Variants in DACH1 observed in about 807,000 individuals in gnomAD.
DACH1 encodes dachshund homolog 1.
In DACH1, 12 loss-of-function variants were observed where a neutral mutation model predicts 54.2. The observed-to-expected ratio is 0.22, with a 90% CI of 0.14 to 0.36. The LOEUF is 0.36. Ranked by LOEUF, DACH1 falls within the 10% of genes least tolerant of loss-of-function variation. The probability of loss-of-function intolerance (pLI) is 1.00; values close to 1 mark genes in which losing one functional copy is unlikely to be tolerated. For missense variants in DACH1, 805 were observed against 929.8 expected (o/e 0.87, Z 1.75); for synonymous variants, 386 against 366.2 (o/e 1.05, Z -0.62).
At chr13:71,666,109 C>A (rs1435770713) in intron 2 of DACH1, among the ~76,000 whole-genome samples, 1 of 151,988 alleles carries the variant, frequency 6.6e-6, no homozygotes, top group Non-Finnish European at 1.5e-5. Context: ...CCAGAAACTA[C>A]GCTAGCAATA....
intron 6 of DACH1, among the ~76,000 whole-genome samples, chr13:71,515,767 G>C (rs2138268152): frequency 6.6e-6 from 1 of 152,034 alleles, no homozygotes; most frequent in South Asian, 2.1e-4. Flanking sequence ...AGTACCTTGT[G>C]AACCTTGTCA....
intron 1 of DACH1, among the ~76,000 whole-genome samples, chr13:71,845,207 T>G (rs1873148076): frequency 6.6e-6 from 1 of 152,144 alleles, no homozygotes; most frequent in Non-Finnish European, 1.5e-5. Flanking sequence ...TCATTATGTA[T>G]CCCATAAATA....
chr13:71,628,808 T>C (rs1209403691), intron 3 of DACH1, among the ~76,000 whole-genome samples: 3 of 152,134 alleles, frequency 2.0e-5, no homozygotes, highest in Non-Finnish European at 4.4e-5. Flanking sequence ...CCATGTTCTC[T>C]TTATCTTATG....
chr13:71,654,997 T>G (rs1878995263), intron 2 of DACH1, among the ~76,000 whole-genome samples: 3 of 152,332 alleles, frequency 2.0e-5, no homozygotes, highest in African/African-American at 7.2e-5. Context: ...TTAACTTTTT[T>G]GTGATGTGTA....
intron 3 of DACH1, among the ~76,000 whole-genome samples, chr13:71,596,432 G>C (rs1874103055): frequency 1.3e-5 from 2 of 152,146 alleles, no homozygotes; most frequent in Non-Finnish European, 2.9e-5. Context: ...GGGGATTTTG[G>C]AAACAAAGTA....
intron 3 of DACH1, among the ~76,000 whole-genome samples, chr13:71,623,837 T>A (rs1876435812): frequency 6.6e-6 from 1 of 151,850 alleles, no homozygotes; most frequent in Admixed American, 6.6e-5. Flanking sequence ...CTCCCCTACC[T>A]GAGTTTTTGG....
intron 1 of DACH1, among the ~76,000 whole-genome samples, chr13:71,710,798 C>T (rs1356437202): frequency 6.6e-6 from 1 of 152,064 alleles, no homozygotes; most frequent in African/African-American, 2.4e-5. Context: ...TTCAGTGGAA[C>T]ATCTGCAAAG....
At chr13:71,656,506 C>T (rs1243596767) in intron 2 of DACH1, among the ~76,000 whole-genome samples, 1 of 152,010 alleles carries the variant, frequency 6.6e-6, no homozygotes, top group Non-Finnish European at 1.5e-5. Context: ...TAAATTTTCT[C>T]TGTTTGATTT....
intron 1 of DACH1, among the ~76,000 whole-genome samples, chr13:71,775,720 T>TG (rs1438896603): frequency 2.0e-5 from 3 of 152,222 alleles, no homozygotes; most frequent in Non-Finnish European, 4.4e-5. Flanking sequence ...AATAACACAA[T>TG]GATAGGCAGT....
At chr13:71,542,641 G>T (rs1217498303) in intron 6 of DACH1, among the ~76,000 whole-genome samples, 1 of 152,006 alleles carries the variant, frequency 6.6e-6, no homozygotes, top group Non-Finnish European at 1.5e-5. Flanking sequence ...TTAAACCACT[G>T]CCATGATTTC....
At chr13:71,590,990 C>T (rs1381119229) in intron 3 of DACH1, among the ~76,000 whole-genome samples, 1 of 150,600 alleles carries the variant, frequency 6.6e-6, no homozygotes, top group Admixed American at 6.6e-5. Flanking sequence ...GCTATTCTCC[C>T]TCCTCTACCT....
Position 71,578,599 on chromosome 13 carries a change from C to T in DACH1, c.1127-5587G>A, listed in dbSNP as rs532770683. On this transcript the variant is annotated intron_variant, in intron 3 of 10. Coordinates refer to ENST00000613252, the MANE Select transcript of DACH1 (RefSeq NM_080759.6). ...TATTCTTTTGAATAACTATTTAATC[C>T]CAGTTGATCTACTTTAGGATATAAA... is the stretch of plus-strand genomic sequence containing the variant. Among the ~76,000 whole-genome samples, 3 of 151,990 alleles carry T rather than the reference C, an allele frequency of 2.0e-5. No homozygotes were observed. The South Asian group carries it at 6.2e-4, about 32-fold the overall frequency.
At position 71,730,581 on chromosome 13, in the gene DACH1, A is replaced by T. The variant is rs141137506; in HGVS notation, c.849-48671T>A. Among the ~76,000 whole-genome samples the T allele has an allele frequency of 5.6e-3, 851 of 152,254 alleles. 6 individuals are homozygous for T. Among genetic ancestry groups the T allele is most frequent in the African/African-American group, 0.019 (803 of 41,528 alleles). On this transcript the variant is annotated intron_variant, in intron 1 of 10. Transcript: ENST00000613252. ...TCCTTTATATATTGTGTGAGCATGTACATATGAGTGTTTGCACACACATAC... is the reference window on the plus strand; with the variant it reads ...TCCTTTATATATTGTGTGAGCATGTTCATATGAGTGTTTGCACACACATAC...
intron 1 of DACH1, among the ~76,000 whole-genome samples, chr13:71,780,923 T>C (rs1886342289): frequency 1.3e-5 from 2 of 151,986 alleles, no homozygotes; most frequent in African/African-American, 2.4e-5. Flanking sequence ...TACCTGAACG[T>C]AGGAATTCAA....
intron 2 of DACH1, among the ~76,000 whole-genome samples, chr13:71,661,367 A>C (rs1163038019): frequency 6.6e-6 from 1 of 151,868 alleles, no homozygotes; most frequent in Non-Finnish European, 1.5e-5. Flanking sequence ...AAATTAAAGT[A>C]GCAGGAAAAA....
chr13:71,849,909 C>G (rs565076998), intron 1 of DACH1, among the ~76,000 whole-genome samples: 175 of 152,302 alleles, frequency 1.1e-3, no homozygotes, highest in African/African-American at 4.1e-3. Context: ...TGGTGCCTAA[C>G]TAAACATAAG....
intron 1 of DACH1, among the ~76,000 whole-genome samples, chr13:71,780,904 C>A (rs1003380173): frequency 1.3e-5 from 2 of 152,050 alleles, no homozygotes; most frequent in African/African-American, 4.8e-5. Flanking sequence ...GAGGCCAAGG[C>A]AAGAGAACTA....
At chr13:71,747,355 G>C (rs1239931130) in intron 1 of DACH1, among the ~76,000 whole-genome samples, 1 of 152,126 alleles carries the variant, frequency 6.6e-6, no homozygotes, top group Non-Finnish European at 1.5e-5. Flanking sequence ...AAGGCAGGCG[G>C]ATCACTTGAG....
intron 1 of DACH1, among the ~76,000 whole-genome samples, chr13:71,769,168 C>T (rs1419339775): frequency 2.0e-5 from 3 of 151,674 alleles, no homozygotes; most frequent in African/African-American, 7.2e-5. Flanking sequence ...TTTGAGTATA[C>T]AGCATCTGTG....
Sources: allele counts gnomAD v4.1 joint callset (sites outside exome capture counted in the v4.1 genomes callset), GRCh38; gene constraint gnomAD v4.1.1; transcripts MANE v1.5; gene names NCBI Gene and HGNC (gene_info 2026-07-23, HGNC 2026-07-21).